SCRG1: variants seen among roughly 807,000 people sequenced by gnomAD.
SCRG1 encodes the protein stimulator of chondrogenesis 1.
Under a neutral mutation model 7.7 loss-of-function variants are expected in SCRG1, and 3 were observed. The ratio of observed to expected loss-of-function variants is 0.39; its 90% CI spans 0.18 to 1.01. The LOEUF is 1.01. Ranked by LOEUF, SCRG1 falls within the 50% of genes least tolerant of loss-of-function variation. The pLI is 0.36. For missense variants in SCRG1, 110 were observed against 117.2 expected (o/e 0.94, Z 0.28); for synonymous variants, 46 against 41.2 (o/e 1.12, Z -0.44).
the SCRG1 span, chr4:173,419,775 T>G: frequency 2.8e-5 from 41 of 1,441,490 alleles, no homozygotes; most frequent in Non-Finnish European, 3.6e-5. Flanking sequence ...CCATCAATGC[T>G]TTCCACATTG....
At chr4:173,442,741 T>C in the SCRG1 span, among the ~76,000 whole-genome samples, 78 of 152,266 alleles carry the variant, frequency 5.1e-4, 1 homozygote, top group African/African-American at 1.7e-3. Flanking sequence ...TGTCATATCA[T>C]CGTGGAAGGG....
the SCRG1 span, among the ~76,000 whole-genome samples, chr4:173,444,207 C>T: frequency 3.9e-5 from 6 of 152,094 alleles, no homozygotes; most frequent in Non-Finnish European, 5.9e-5. Context: ...CTCCTGACCT[C>T]GGGTGATTCA....
chr4:173,511,708 C>T, the SCRG1 span, among the ~76,000 whole-genome samples: 1 of 152,122 alleles, frequency 6.6e-6, no homozygotes, highest in African/African-American at 2.4e-5. The surrounding 1 kb of genome is among the most constrained non-coding windows in gnomAD (Gnocchi z 5.2). Flanking sequence ...AAATTCAACA[C>T]TTTCAAGACA....
At chr4:173,436,801 G>T in the SCRG1 span, among the ~76,000 whole-genome samples, 1 of 152,070 alleles carries the variant, frequency 6.6e-6, no homozygotes, top group Admixed American at 6.6e-5. Context: ...CACCAACTTC[G>T]CAGGCTTCGT....
chr4:173,457,847 C>T, the SCRG1 span, among the ~76,000 whole-genome samples: 2 of 152,118 alleles, frequency 1.3e-5, no homozygotes, highest in Admixed American at 1.3e-4. Flanking sequence ...TGTCCCTTTT[C>T]CCCAGTCCCT....
chr4:173,391,039 T>G, intron 2 of SCRG1, 134 bp downstream of exon 2: 3 of 873,376 alleles, frequency 3.4e-6, no homozygotes, highest in Non-Finnish European at 5.4e-6. Context: ...GTGATTATTC[T>G]AGAAAAGAGC....
the SCRG1 span, among the ~76,000 whole-genome samples, chr4:173,517,847 C>T: frequency 6.6e-6 from 1 of 152,258 alleles, no homozygotes; most frequent in African/African-American, 2.4e-5. Flanking sequence ...TTAGCCTCGC[C>T]GGCCCCGGCC....
the SCRG1 span, among the ~76,000 whole-genome samples, chr4:173,498,863 A>G: frequency 6.6e-6 from 1 of 152,252 alleles, no homozygotes; most frequent in Admixed American, 6.5e-5. Context: ...AGCCAGGTCT[A>G]AAATCCAGGT....
the SCRG1 span, among the ~76,000 whole-genome samples, chr4:173,465,307 A>C: frequency 6.6e-6 from 1 of 152,214 alleles, no homozygotes; most frequent in Non-Finnish European, 1.5e-5. Flanking sequence ...AACACACACA[A>C]AATCCTGACC....
the SCRG1 span, among the ~76,000 whole-genome samples, chr4:173,504,481 C>G: frequency 6.6e-6 from 1 of 152,116 alleles, no homozygotes; most frequent in East Asian, 1.9e-4. The surrounding 1 kb of genome is among the most constrained non-coding windows in gnomAD (Gnocchi z 4.7). Flanking sequence ...TGTGGGACTC[C>G]CAGGCAAAAG....
chr4:173,435,286 A>G, the SCRG1 span, among the ~76,000 whole-genome samples: 1 of 152,198 alleles, frequency 6.6e-6, no homozygotes, highest in South Asian at 2.1e-4. Context: ...AAGATGAAAG[A>G]CAATGGAGCT....
chr4:173,512,228 G>A, the SCRG1 span, among the ~76,000 whole-genome samples: 24 of 152,288 alleles, frequency 1.6e-4, no homozygotes, highest in East Asian at 4.6e-3. Flanking sequence ...CAATACAGTG[G>A]GTGATCTGAA....
chr4:173,439,239 CT>C, the SCRG1 span, among the ~76,000 whole-genome samples: 1 of 152,102 alleles, frequency 6.6e-6, no homozygotes, highest in Admixed American at 6.6e-5. Context: ...CAAGAATAAA[CT>C]TTTTTGTGTG....
At chr4:173,476,408 T>C in the SCRG1 span, among the ~76,000 whole-genome samples, 3 of 135,036 alleles carry the variant, frequency 2.2e-5, 1 homozygote. Context: ...CAGATGGAAA[T>C]AAAGGCCTCA....
At chr4:173,492,275 C>T in the SCRG1 span, among the ~76,000 whole-genome samples, 2 of 152,192 alleles carry the variant, frequency 1.3e-5, no homozygotes, top group South Asian at 4.1e-4. Context: ...GTTTGAAAGT[C>T]AGAAAAAGAA....
chr4:173,438,106 T>G, the SCRG1 span, among the ~76,000 whole-genome samples: 1 of 152,106 alleles, frequency 6.6e-6, no homozygotes, highest in South Asian at 2.1e-4. Flanking sequence ...GTTTTTTATT[T>G]TTTAATTAAT....
chr4:173,405,687 G>A (rs1739883361), intron 1 of SCRG1, among the ~76,000 whole-genome samples: 1 of 152,156 alleles, frequency 6.6e-6, no homozygotes, highest in Non-Finnish European at 1.5e-5. Context: ...TGCTCAAACT[G>A]TCCCAGCTTT....
chr4:173,454,995 G>A, the SCRG1 span, among the ~76,000 whole-genome samples: 8 of 152,116 alleles, frequency 5.3e-5, no homozygotes, highest in African/African-American at 1.9e-4. Flanking sequence ...TGATTCTTAT[G>A]TAATAATCTT....
chr4:173,467,594 A>G, the SCRG1 span, among the ~76,000 whole-genome samples: 5 of 152,196 alleles, frequency 3.3e-5, no homozygotes, highest in East Asian at 1.9e-4. Context: ...TAACTTGGAC[A>G]TTCACCTATA....
Sources: gnomAD v4.1 joint callset for allele counts (sites outside exome capture counted in the v4.1 genomes callset) on GRCh38, gnomAD v4.1.1 for gene constraint, Gnocchi (gnomAD v3.1) non-coding constraint, MANE v1.5 for transcripts, NCBI Gene and HGNC (gene_info 2026-07-23, HGNC 2026-07-21) for gene names.